MARCHF1: variants seen among roughly 807,000 people sequenced by gnomAD.
MARCHF1 encodes the protein membrane associated ring-CH-type finger 1, also known as E3 ubiquitin-protein ligase MARCHF1.
Under a neutral mutation model 54.2 loss-of-function variants are expected in MARCHF1, and 40 were observed. The ratio of observed to expected loss-of-function variants is 0.74; its 90% confidence interval spans 0.57 to 0.96. MARCHF1 has a LOEUF of 0.96. MARCHF1 is among the 40% of genes least tolerant of loss of function. MARCHF1 has a pLI of 0.00. For missense variants in MARCHF1, 586 were observed against 656.5 expected (o/e 0.89, Z 1.17); for synonymous variants, 236 against 236.3 (o/e 1.00, Z 0.01).
intron 4 of MARCHF1, among the ~76,000 whole-genome samples, chr4:163,798,971 A>C (rs1281890295): frequency 6.6e-6 from 1 of 152,128 alleles, no homozygotes; most frequent in African/African-American, 2.4e-5. Flanking sequence ...TAGTCTTCTC[A>C]GTGGTGTTGT....
intron 1 of MARCHF1, among the ~76,000 whole-genome samples, chr4:164,285,353 C>A (rs1734116557): frequency 6.6e-6 from 1 of 152,078 alleles, no homozygotes; most frequent in South Asian, 2.1e-4. Flanking sequence ...TATGATTCTG[C>A]CTGCAAATAG....
intron 4 of MARCHF1, among the ~76,000 whole-genome samples, chr4:163,806,751 C>A (rs1314683410): frequency 1.3e-5 from 2 of 152,168 alleles, no homozygotes; most frequent in Middle Eastern, 3.4e-3. Context: ...ACTCTTTTCC[C>A]AAGTTAAAAG....
At chr4:163,682,466 G>A (rs1002389751) in intron 5 of MARCHF1, among the ~76,000 whole-genome samples, 1 of 152,174 alleles carries the variant, frequency 6.6e-6, no homozygotes, top group Non-Finnish European at 1.5e-5. Flanking sequence ...TAGAGGCCTG[G>A]GGGGAGAAAT....
At chr4:163,812,063 C>A (rs1247689599) in intron 4 of MARCHF1, among the ~76,000 whole-genome samples, 1 of 151,920 alleles carries the variant, frequency 6.6e-6, no homozygotes, top group African/African-American at 2.4e-5. Context: ...TACTTGAGCT[C>A]AAATATTGAT....
chr4:163,913,546 A>C (rs1340139484), intron 3 of MARCHF1, among the ~76,000 whole-genome samples: 1 of 152,172 alleles, frequency 6.6e-6, no homozygotes, highest in Non-Finnish European at 1.5e-5. Context: ...ACTAATGGGA[A>C]TACGTCAGGA....
At chr4:163,553,160 G>C (rs755290180) in intron 8 of MARCHF1, among the ~76,000 whole-genome samples, 1 of 152,134 alleles carries the variant, frequency 6.6e-6, no homozygotes, top group African/African-American at 2.4e-5. Flanking sequence ...CTGTAAAATG[G>C]TGATTAGAAT....
chr4:163,704,971 C>CA (rs1744908481), intron 4 of MARCHF1, among the ~76,000 whole-genome samples: 1 of 150,880 alleles, frequency 6.6e-6, no homozygotes, highest in African/African-American at 2.4e-5. Flanking sequence ...ATCATAGACA[C>CA]AAAAAACTAT....
At chr4:163,584,797 TC>T (rs1740353018) in intron 8 of MARCHF1, 1 of 152,334 alleles carries the variant, frequency 6.6e-6, no homozygotes, top group Non-Finnish European at 1.5e-5. Context: ...TCGTTGTGTT[TC>T]TTTCCAGGCA....
In MARCHF1 at chr4:163,806,367, G is replaced by A. The variant is rs148681701; in HGVS notation, c.111+47654C>T. Among the ~76,000 whole-genome samples the A allele has an allele frequency of 3.0e-3, 463 of 152,278 alleles. 3 individuals carry two copies. The highest frequency in any genetic ancestry group is 0.011 in the African/African-American group (441 of 41,572). ...AAGTCAAACTGAACACTGAAGGAAA[G>A]TCTCATCTGAAAGACTCTCATCTCA... On this transcript the variant is annotated intron_variant, in intron 4 of 9. Transcript: ENST00000514618.
chr4:164,078,056 A>C (rs1264570099), intron 2 of MARCHF1, among the ~76,000 whole-genome samples: 1 of 152,228 alleles, frequency 6.6e-6, no homozygotes, highest in Non-Finnish European at 1.5e-5. Flanking sequence ...ATTATAAATC[A>C]TTCCACTATA....
chr4:163,585,832 A>G lies in MARCHF1; in HGVS notation c.1108T>C (p.Trp370Arg). ...RFVHQSCLHQ[W>R]IKSSDTRCCE... is the part of the protein sequence containing the mutation. ...CAGCGTGTATCTGAGCTCTTTATCC[A>G]CTGGTGGAGGCAGGACTGGTGGACA... is the stretch of plus-strand genomic sequence containing the variant. The change falls in exon 8 of 10, where the codon TGG becomes CGG. Residue 370 changes from tryptophan (W) to arginine (R), a missense_variant. This residue lies in a region of MARCHF1 where 93 missense variants were observed against 168.2 expected (regional missense o/e 0.55). Transcript: ENST00000514618. 6.2e-7 allele frequency: 1 copy of G among 1,613,996 alleles called. No individual in the cohort carries two copies. The highest frequency in any genetic ancestry group is 8.5e-7 in the Non-Finnish European group (1 of 1,179,956).
intron 7 of MARCHF1, among the ~76,000 whole-genome samples, chr4:163,588,951 C>G (rs1740496628): frequency 6.6e-6 from 1 of 151,846 alleles, no homozygotes; most frequent in South Asian, 2.1e-4. Context: ...ATCACTCTAA[C>G]CTCTGCAATT....
At chr4:163,860,008 T>C (rs1355689799) in intron 3 of MARCHF1, among the ~76,000 whole-genome samples, 2 of 152,144 alleles carry the variant, frequency 1.3e-5, no homozygotes, top group African/African-American at 2.4e-5. Context: ...AGCTATGACA[T>C]GTAAAGAGTT....
intron 2 of MARCHF1, among the ~76,000 whole-genome samples, chr4:164,059,674 A>T (rs935596422): frequency 6.6e-6 from 1 of 152,224 alleles, no homozygotes; most frequent in Non-Finnish European, 1.5e-5. Context: ...ACCTGATGCA[A>T]ATAAATACAG....
intron 9 of MARCHF1, among the ~76,000 whole-genome samples, chr4:163,544,921 T>C (rs893293517): frequency 9.9e-5 from 15 of 152,228 alleles, no homozygotes; most frequent in African/African-American, 2.2e-4. Context: ...TGAAAACTTA[T>C]AGGGCCCAAT....
intron 1 of MARCHF1, among the ~76,000 whole-genome samples, chr4:164,222,646 A>AAG (rs1228216450): frequency 6.6e-6 from 1 of 151,226 alleles, no homozygotes; most frequent in Non-Finnish European, 1.5e-5. Context: ...GGGAACCAGG[A>AAG]AGAGAGAGAG....
intron 1 of MARCHF1, among the ~76,000 whole-genome samples, chr4:164,319,535 G>A (rs1278120107): frequency 6.6e-6 from 1 of 152,128 alleles, no homozygotes; most frequent in Non-Finnish European, 1.5e-5. Flanking sequence ...AATTAAAAAT[G>A]TCCTATTTTA....
intron 2 of MARCHF1, among the ~76,000 whole-genome samples, chr4:164,087,258 G>A (rs543075452): frequency 6.6e-6 from 1 of 152,098 alleles, no homozygotes; most frequent in South Asian, 2.1e-4. Context: ...ATTTCTTCAA[G>A]AGGGATGAAG....
At chr4:163,701,023 C>A (rs1744795773) in intron 4 of MARCHF1, among the ~76,000 whole-genome samples, 160 bp from the exon 5 acceptor site, 1 of 151,998 alleles carries the variant, frequency 6.6e-6, no homozygotes, top group Admixed American at 6.6e-5. Flanking sequence ...ATGCTTTTTT[C>A]TTTTATGAAA....
Sources: allele counts gnomAD v4.1 joint callset (sites outside exome capture counted in the v4.1 genomes callset), GRCh38; gene constraint gnomAD v4.1.1; regional missense constraint gnomAD v4.1.1; transcripts MANE v1.5; gene names NCBI Gene and HGNC (gene_info 2026-07-23, HGNC 2026-07-21).